The following AUTS2 variants were observed in gnomAD, a reference collection of about 807,000 sequenced individuals.
AUTS2 encodes the protein activator of transcription and developmental regulator AUTS2.
AUTS2 carries 17 observed loss-of-function variants against 112.4 expected under a neutral mutation model. The ratio of observed to expected loss-of-function variants is 0.15; its 90% CI spans 0.10 to 0.23. The LOEUF is 0.23. AUTS2 is among the 10% of genes least tolerant of loss of function. The pLI is 1.00. For synonymous variants in AUTS2, 751 were observed against 702.7 expected (o/e 1.07, Z -1.09); for missense variants, 1,510 against 1,701.6 (o/e 0.89, Z 1.98).
intron 5 of AUTS2, chr7:70,437,050 A>T (rs1353367544): frequency 6.6e-6 from 1 of 152,428 alleles, no homozygotes; most frequent in African/African-American, 2.4e-5. Context: ...TTATCTCTGA[A>T]GGACGGCCAG....
At chr7:69,836,673 CAG>C (rs1242416664) in intron 1 of AUTS2, among the ~76,000 whole-genome samples, 1 of 152,270 alleles carries the variant, frequency 6.6e-6, no homozygotes, top group African/African-American at 2.4e-5. Flanking sequence ...GGAACAATGA[CAG>C]AGAGTTTTGC....
intron 1 of AUTS2, among the ~76,000 whole-genome samples, chr7:69,628,505 C>G (rs1330342384): frequency 6.6e-6 from 1 of 152,074 alleles, no homozygotes; most frequent in Non-Finnish European, 1.5e-5. Flanking sequence ...AGTTTTCACA[C>G]TGCTAAAAAG....
At chr7:70,396,990 A>G (rs748898157) in intron 4 of AUTS2, among the ~76,000 whole-genome samples, 3 of 151,804 alleles carry the variant, frequency 2.0e-5, no homozygotes, top group Admixed American at 6.6e-5. Flanking sequence ...ATTTCCACCA[A>G]CCGTGTATAA....
At chr7:70,469,113 A>G (rs1370426674) in intron 5 of AUTS2, among the ~76,000 whole-genome samples, 1 of 152,228 alleles carries the variant, frequency 6.6e-6, no homozygotes, top group Non-Finnish European at 1.5e-5. Context: ...AAACTCATTC[A>G]TACAGTCAAC....
intron 5 of AUTS2, among the ~76,000 whole-genome samples, chr7:70,439,859 T>C (rs566220892): frequency 6.6e-6 from 1 of 152,294 alleles, no homozygotes; most frequent in East Asian, 1.9e-4. Context: ...AATGTGGAGA[T>C]TAAAAGTCAT....
chr7:69,737,708 A>G (rs916268457), intron 1 of AUTS2, among the ~76,000 whole-genome samples: 6 of 151,842 alleles, frequency 4.0e-5, no homozygotes, highest in African/African-American at 1.5e-4. Flanking sequence ...GATTTTCTTC[A>G]CCCTCTTGTT....
chr7:70,596,203 C>T (rs1038007338), intron 5 of AUTS2: 15 of 152,672 alleles, frequency 9.8e-5, no homozygotes, highest in African/African-American at 2.7e-4. Context: ...GCGCGCAGCT[C>T]CTGGGCCGAG....
chr7:70,142,684 G>C (rs1386419048), intron 4 of AUTS2, among the ~76,000 whole-genome samples: 3 of 152,192 alleles, frequency 2.0e-5, no homozygotes, highest in Non-Finnish European at 4.4e-5. Flanking sequence ...CTAGTAGATT[G>C]ATCATAGAGA....
chr7:69,676,281 G>C (rs1796559498), intron 1 of AUTS2, among the ~76,000 whole-genome samples: 1 of 152,192 alleles, frequency 6.6e-6, no homozygotes, highest in Non-Finnish European at 1.5e-5. Context: ...GACTACCTAG[G>C]GTGGCTTTTG....
Position 70,106,245 on chromosome 7 carries a change from A to G in AUTS2, c.523-11887A>G, listed in dbSNP as rs529750939. On this transcript the variant is annotated intron_variant, in intron 2 of 18. Coordinates refer to ENST00000342771, the MANE Select transcript of AUTS2 (RefSeq NM_015570.4). ...TTCAGGTTCCTCAGAGGCCAGGCTC[A>G]TAATGTGAATAAGTGACACAGGACA... Among the ~76,000 whole-genome samples the G allele has an allele frequency of 7.9e-5, 12 of 152,338 alleles. No homozygotes were observed. In the South Asian group the frequency reaches 2.5e-3, roughly 32 times the overall value.
chr7:70,014,996 C>T (rs967779172), intron 2 of AUTS2, among the ~76,000 whole-genome samples: 1 of 152,200 alleles, frequency 6.6e-6, no homozygotes, highest in African/African-American at 2.4e-5. Context: ...AAATTATGAG[C>T]ATAATGTTTC....
intron 5 of AUTS2, among the ~76,000 whole-genome samples, chr7:70,621,996 G>A (rs1360787022): frequency 6.6e-6 from 1 of 151,756 alleles, no homozygotes; most frequent in Admixed American, 6.6e-5. Context: ...ACAGGTGTGC[G>A]TCACGACACC....
chr7:70,602,050 C>T (rs984467168), intron 5 of AUTS2, among the ~76,000 whole-genome samples: 1 of 152,116 alleles, frequency 6.6e-6, no homozygotes, highest in Non-Finnish European at 1.5e-5. Flanking sequence ...GGGCAGGTGC[C>T]TCTCTCAAGA....
At chr7:70,742,770 G>A in intron 6 of AUTS2, among the ~76,000 whole-genome samples, 1 of 151,914 alleles carries the variant, frequency 6.6e-6, no homozygotes, top group East Asian at 1.9e-4. Flanking sequence ...CTCAAAAAGT[G>A]GAATTTCACC....
chr7:70,182,099 G>C (rs1319915391), intron 4 of AUTS2, among the ~76,000 whole-genome samples: 1 of 152,222 alleles, frequency 6.6e-6, no homozygotes, highest in Non-Finnish European at 1.5e-5. Context: ...ACCACGCCCA[G>C]CTGAGCTAAC....
At chr7:69,743,288 A>C (rs1318934476) in intron 1 of AUTS2, among the ~76,000 whole-genome samples, 5 of 152,212 alleles carry the variant, frequency 3.3e-5, no homozygotes, top group Admixed American at 2.0e-4. Flanking sequence ...TGCATGACAC[A>C]GAGGATGTGC....
intron 5 of AUTS2, among the ~76,000 whole-genome samples, chr7:70,558,405 A>G (rs1484627681): frequency 6.6e-6 from 1 of 152,096 alleles, no homozygotes; most frequent in African/African-American, 2.4e-5. Context: ...GGACCCTTCC[A>G]TGAAGGGGCA....
At chr7:70,128,020 C>T (rs928144297) in intron 3 of AUTS2, among the ~76,000 whole-genome samples, 27 of 148,624 alleles carry the variant, frequency 1.8e-4, no homozygotes, top group African/African-American at 6.6e-4. Flanking sequence ...AAGGAGGAAA[C>T]AGACTTGAGC....
rs1391745513 is a variant in AUTS2, at chr7:70,117,113, TTTTG to T, written c.523-1015_523-1012del. On this transcript the variant is annotated intron_variant, in intron 2 of 18. Coordinates refer to ENST00000342771, the MANE Select transcript of AUTS2 (RefSeq NM_015570.4). Reference sequence around the variant, plus strand: ...TCATGAGATGACTTTTGTTTTTTTTTTTTGTTTTTTTTTGTTTTTTTTTGTTTTT... The same window carrying T: ...TCATGAGATGACTTTTGTTTTTTTTTTTTTTTTTTGTTTTTTTTTGTTTTT... 5.8e-4 allele frequency among the ~76,000 whole-genome samples: 58 copies of T among 100,332 alleles called. 1 individual carries two copies. Among genetic ancestry groups the T allele is most frequent in the African/African-American group, 2.5e-4 (5 of 20,016 alleles). 65.8% of individuals were successfully genotyped at this position (100,332 alleles called of 152,430 possible). A position where few individuals can be genotyped will look rare whatever the true frequency, so the allele number is the denominator to read the frequency against.
Sources: allele counts gnomAD v4.1 joint callset (sites outside exome capture counted in the v4.1 genomes callset), GRCh38; gene constraint gnomAD v4.1.1; transcripts MANE v1.5; gene names NCBI Gene and HGNC (gene_info 2026-07-23, HGNC 2026-07-21).